CEP63: variants seen among roughly 807,000 people sequenced by gnomAD.
CEP63 encodes the protein centrosomal protein 63.
A neutral mutation model predicts 89.1 loss-of-function variants in CEP63; 84 were observed. That is an observed-to-expected ratio of 0.94 (90% confidence interval 0.79 to 1.13). CEP63 has a LOEUF of 1.13. CEP63 is among the 50% of genes most tolerant of loss of function. The pLI is 0.00. For synonymous variants in CEP63, 267 were observed against 272.5 expected, an observed-to-expected ratio of 0.98 and a Z score of 0.20; for missense variants, 838 against 813.3, an observed-to-expected ratio of 1.03 and a Z score of -0.37.
At chr3:134,777,717 A>G in the CEP63 span, among the ~76,000 whole-genome samples, 1 of 146,782 alleles carries the variant, frequency 6.8e-6, no homozygotes. Flanking sequence ...AGGTTCAAGC[A>G]ATTCTCCTGC....
chr3:134,746,492 G>A, the CEP63 span, among the ~76,000 whole-genome samples: 45 of 152,238 alleles, frequency 3.0e-4, no homozygotes, highest in South Asian at 1.9e-3. Flanking sequence ...TTGAGGAATC[G>A]CCACACTGTA....
the CEP63 span, among the ~76,000 whole-genome samples, chr3:134,668,131 C>G: frequency 4.6e-5 from 7 of 152,144 alleles, no homozygotes; most frequent in Non-Finnish European, 7.3e-5. Context: ...CAGGAACCGC[C>G]TCACATCAGA....
chr3:134,676,132 G>A, the CEP63 span, among the ~76,000 whole-genome samples: 6 of 152,158 alleles, frequency 3.9e-5, no homozygotes, highest in South Asian at 4.1e-4. Flanking sequence ...AAATGTATAC[G>A]TAAATAGCAG....
intron 10 of CEP63, among the ~76,000 whole-genome samples, chr3:134,583,517 C>A (rs1958411728): frequency 6.6e-6 from 1 of 152,110 alleles, no homozygotes; most frequent in Non-Finnish European, 1.5e-5. Flanking sequence ...TCTGAGGGCT[C>A]TGTTCTGTTC....
At chr3:134,683,780 G>T in the CEP63 span, among the ~76,000 whole-genome samples, 1 of 152,012 alleles carries the variant, frequency 6.6e-6, no homozygotes, top group African/African-American at 2.4e-5. Flanking sequence ...CTCTGAGATG[G>T]TTCCCATCTT....
rs199930556 is a variant in CEP63 at position 134,557,376 on chromosome 3, GTT to G, written c.1468-739_1468-738del. On this transcript the variant is annotated intron_variant, in intron 12 of 14. Transcript: ENST00000675561. ...CTTGACCAGCTTACTTTCATAATTT[GTT>G]TTTTTTTTTTTTTTTTTTTTTTTTT... Among the ~76,000 whole-genome samples the G allele has an allele frequency of 1.9e-4, 19 of 101,500 alleles. No individual in the cohort carries two copies. In the East Asian group the frequency reaches 2.1e-3, roughly 11 times the overall value. The allele number at this position is 101,500 out of a possible 152,430, so 66.6% of individuals were successfully genotyped here. A position where few individuals can be genotyped will look rare whatever the true frequency, so the allele number is the denominator to read the frequency against.
At chr3:134,656,444 A>T in the CEP63 span, among the ~76,000 whole-genome samples, 1 of 152,232 alleles carries the variant, frequency 6.6e-6, no homozygotes, top group Non-Finnish European at 1.5e-5. Context: ...TCAGCTGCCC[A>T]TCTGAGTGGC....
intron 8 of CEP63, among the ~76,000 whole-genome samples, chr3:134,547,037 C>G (rs1006577057): frequency 6.6e-6 from 1 of 152,176 alleles, no homozygotes; most frequent in African/African-American, 2.4e-5. Context: ...TCTCCTGTAA[C>G]TTTTCAGTTT....
intron 10 of CEP63, among the ~76,000 whole-genome samples, chr3:134,584,589 T>C (rs972146430): frequency 7.2e-5 from 11 of 152,232 alleles, no homozygotes; most frequent in African/African-American, 2.4e-4. Flanking sequence ...CAGTATTTTA[T>C]TGAGGATTTT....
chr3:134,738,123 C>T, the CEP63 span, among the ~76,000 whole-genome samples: 5 of 152,046 alleles, frequency 3.3e-5, no homozygotes, highest in Non-Finnish European at 5.9e-5. Flanking sequence ...ATCAGGATGG[C>T]AAAAATTAAA....
intron 11 of CEP63, among the ~76,000 whole-genome samples, chr3:134,570,695 C>T (rs1378657507): frequency 2.0e-5 from 3 of 152,186 alleles, no homozygotes; most frequent in South Asian, 2.1e-4. Flanking sequence ...GTTCCAAAGT[C>T]GCTTCCACAT....
chr3:134,545,519 T>G (rs1490208058), intron 6 of CEP63, 67 bp from the exon 7 acceptor site: 50 of 1,095,372 alleles, frequency 4.6e-5, no homozygotes, highest in Non-Finnish European at 7.0e-5. Context: ...TAGTTTCATT[T>G]TAGTCTTATT....
chr3:134,508,066 C>T (rs1943911285), intron 3 of CEP63, among the ~76,000 whole-genome samples: 2 of 152,228 alleles, frequency 1.3e-5, no homozygotes, highest in Admixed American at 6.5e-5. Context: ...TTCATTAAGG[C>T]TGTCATCAGC....
rs1957650542 is a variant in CEP63 at position 134,564,660 on chromosome 3, A to G, written c.*3125A>G. 1.0e-6 allele frequency: 1 copy of G among 985,272 alleles called. No homozygotes were observed. Among genetic ancestry groups the G allele is most frequent in the African/African-American group, 1.7e-5 (1 of 57,256 alleles). The allele number at this position is 985,272 out of a possible 1,614,324, so 61.0% of individuals were successfully genotyped here. Reference sequence around the variant, plus strand: ...CTAATGGGGTCGAGAAGATTTACTGAAAATATATATTTGAAAGGGCTTTGC... The same window carrying G: ...CTAATGGGGTCGAGAAGATTTACTGGAAATATATATTTGAAAGGGCTTTGC... On this transcript the variant is annotated 3_prime_UTR_variant, in exon 15 of 15. Transcript: ENST00000675561.
chr3:134,700,776 C>T, the CEP63 span, among the ~76,000 whole-genome samples: 1 of 151,978 alleles, frequency 6.6e-6, no homozygotes, highest in African/African-American at 2.4e-5. Flanking sequence ...TGATCTTCAC[C>T]CCACTCCCCT....
At chr3:134,676,847 A>C in the CEP63 span, among the ~76,000 whole-genome samples, 13 of 152,330 alleles carry the variant, frequency 8.5e-5, no homozygotes, top group African/African-American at 3.1e-4. Context: ...CTAGCCTGGC[A>C]GACATGTCCT....
the CEP63 span, among the ~76,000 whole-genome samples, chr3:134,659,413 A>G: frequency 3.3e-5 from 5 of 152,182 alleles, no homozygotes; most frequent in Admixed American, 6.5e-5. Flanking sequence ...ATGAACTCAC[A>G]TAGTCTTCAC....
At chr3:134,567,694 A>C (rs1957840377), downstream of CEP63, among the ~76,000 whole-genome samples, 1 of 152,206 alleles carries the variant, frequency 6.6e-6, no homozygotes, top group South Asian at 2.1e-4. Flanking sequence ...ATTGTGGGGC[A>C]GAGGGCCAGG....
Position 134,546,007 on chromosome 3 carries a change from C to T in CEP63, c.790-142C>T, listed in dbSNP as rs575208223. On this transcript the variant is annotated intron_variant, in intron 7 of 14. Transcript: ENST00000675561. ...TATTTACAATATTGTAATATTGTTACGTAACTTATAGTCTGACTTCCTGGC... is the reference window on the plus strand; with the variant it reads ...TATTTACAATATTGTAATATTGTTATGTAACTTATAGTCTGACTTCCTGGC... 2.8e-5 allele frequency: 26 copies of T among 913,222 alleles called. 1 individual carries two copies. The highest frequency in any genetic ancestry group is 3.1e-4 in the Middle Eastern group (1 of 3,214). The allele number at this position is 913,222 out of a possible 1,614,324, so 56.6% of individuals were successfully genotyped here. A position where few individuals can be genotyped will look rare whatever the true frequency, so the allele number is the denominator to read the frequency against.
Sources: allele counts gnomAD v4.1 joint callset (sites outside exome capture counted in the v4.1 genomes callset), GRCh38; gene constraint gnomAD v4.1.1; transcripts MANE v1.5; gene names NCBI Gene and HGNC (gene_info 2026-07-23, HGNC 2026-07-21).